Variants in LRRTM4 observed in about 807,000 individuals in gnomAD.
The protein encoded by LRRTM4 is leucine rich repeat transmembrane neuronal 4.
In LRRTM4, 25 loss-of-function variants were observed where a neutral mutation model predicts 47.6. The ratio of observed to expected loss-of-function variants is 0.53; its 90% CI spans 0.38 to 0.73. The LOEUF (loss-of-function observed/expected upper bound fraction) is 0.73. LRRTM4 is among the 30% of genes least tolerant of loss of function. The pLI is 0.00. For synonymous variants in LRRTM4, 311 were observed against 269.5 expected (o/e 1.15, Z -1.51); for missense variants, 638 against 713.4 (o/e 0.89, Z 1.20).
intron 3 of LRRTM4, among the ~76,000 whole-genome samples, chr2:77,102,266 G>A (rs1670974644): frequency 6.6e-6 from 1 of 152,156 alleles, no homozygotes; most frequent in Admixed American, 6.5e-5. Context: ...AGAAGTCTAA[G>A]CACCTCTTAC....
At chr2:76,868,477 G>T (rs940520197) in intron 3 of LRRTM4, among the ~76,000 whole-genome samples, 1 of 152,022 alleles carries the variant, frequency 6.6e-6, no homozygotes, top group African/African-American at 2.4e-5. Context: ...CACTGTTCGT[G>T]GTTAATTTTT....
chr2:76,748,658 C>G lies in LRRTM4; in HGVS notation c.*37G>C, dbSNP rs187916485. On this transcript the variant is annotated 3_prime_UTR_variant, in exon 4 of 4. Coordinates refer to ENST00000409884, the MANE Select transcript of LRRTM4 (RefSeq NM_001134745.3). ...CTTTAAGATGAAGGCCCTCCCTCCC[C>G]CCCATGGAGCTCCCCAGTGAGGAGT... The G allele has an allele frequency of 8.4e-6, 12 of 1,420,186 alleles. No homozygotes were observed. In the Admixed American group the frequency reaches 1.3e-4, roughly 16 times the overall value. The allele number at this position is 1,420,186 out of a possible 1,614,324, so 88.0% of individuals were successfully genotyped here. A position where few individuals can be genotyped will look rare whatever the true frequency, so the allele number is the denominator to read the frequency against.
At chr2:76,837,852 C>G (rs919529714) in intron 3 of LRRTM4, among the ~76,000 whole-genome samples, 1 of 151,542 alleles carries the variant, frequency 6.6e-6, no homozygotes, top group South Asian at 2.1e-4. Flanking sequence ...AACCAAACAC[C>G]GCACGTTCTC....
intron 3 of LRRTM4, among the ~76,000 whole-genome samples, chr2:76,944,038 A>T (rs1675242647): frequency 6.6e-6 from 1 of 152,170 alleles, no homozygotes; most frequent in Non-Finnish European, 1.5e-5. Context: ...TGAGCCATCC[A>T]AAAACATATG....
At chr2:76,908,176 A>T (rs62170303) in intron 3 of LRRTM4, among the ~76,000 whole-genome samples, 21,220 of 148,882 alleles carry the variant, frequency 0.14, 1,868 homozygotes, top group Admixed American at 0.22. Flanking sequence ...CTGGGATGCA[A>T]GGCTGGTTCA....
intron 3 of LRRTM4, among the ~76,000 whole-genome samples, chr2:76,891,163 C>T (rs1362677655): frequency 6.6e-6 from 1 of 151,864 alleles, no homozygotes; most frequent in Non-Finnish European, 1.5e-5. Context: ...CAAAAAGACA[C>T]ATCAAACCCT....
chr2:77,039,910 A>AAAT (rs1678967082), intron 3 of LRRTM4, among the ~76,000 whole-genome samples: 1 of 151,138 alleles, frequency 6.6e-6, no homozygotes, highest in African/African-American at 2.4e-5. Context: ...TCATTAGTTA[A>AAAT]TATTAATAAA....
intron 3 of LRRTM4, among the ~76,000 whole-genome samples, chr2:76,992,724 T>C: frequency 6.6e-6 from 1 of 151,420 alleles, no homozygotes; most frequent in Non-Finnish European, 1.5e-5. Context: ...GATTCAATGC[T>C]ATTCCTATCA....
intron 3 of LRRTM4, among the ~76,000 whole-genome samples, chr2:77,114,664 A>G (rs1270113586): frequency 6.6e-6 from 1 of 152,192 alleles, no homozygotes; most frequent in Admixed American, 6.5e-5. Context: ...AGTCTGAGAA[A>G]TAAAAAGAAA....
chr2:76,828,766 GCTT>G (rs1671255333), intron 3 of LRRTM4, among the ~76,000 whole-genome samples: 1 of 151,848 alleles, frequency 6.6e-6, no homozygotes, highest in Non-Finnish European at 1.5e-5. Context: ...CTGTCTCCCA[GCTT>G]CTTTTCACTC....
At chr2:77,499,745 T>C (rs966754541) in intron 3 of LRRTM4, among the ~76,000 whole-genome samples, 1 of 151,918 alleles carries the variant, frequency 6.6e-6, no homozygotes, top group African/African-American at 2.4e-5. Flanking sequence ...TAAGTTTCCA[T>C]AGTCCCTGCA....
intron 3 of LRRTM4, among the ~76,000 whole-genome samples, chr2:77,125,452 G>A (rs545121931): frequency 2.4e-4 from 37 of 152,094 alleles, no homozygotes; most frequent in South Asian, 6.2e-4. Context: ...GATAGACCAC[G>A]CATTGTTGTT....
chr2:76,830,030 G>A (rs1001124179), intron 3 of LRRTM4, among the ~76,000 whole-genome samples: 1 of 151,964 alleles, frequency 6.6e-6, no homozygotes, highest in Non-Finnish European at 1.5e-5. Flanking sequence ...CCAACAGGGT[G>A]TATTACAGAA....
chr2:77,413,618 C>A (rs377056577), intron 3 of LRRTM4, among the ~76,000 whole-genome samples: 3 of 152,136 alleles, frequency 2.0e-5, no homozygotes, highest in East Asian at 3.9e-4. Flanking sequence ...AGGGTGATTT[C>A]TCACAGCAAA....
At chr2:77,262,540 A>G (rs1434310905) in intron 3 of LRRTM4, among the ~76,000 whole-genome samples, 1 of 151,844 alleles carries the variant, frequency 6.6e-6, no homozygotes, top group Non-Finnish European at 1.5e-5. Context: ...CATCTAGAAT[A>G]ACATTTTTTT....
intron 3 of LRRTM4, among the ~76,000 whole-genome samples, chr2:77,014,348 AAAG>A (rs555508192): frequency 4.1e-4 from 62 of 152,196 alleles, no homozygotes; most frequent in Middle Eastern, 3.4e-3. Flanking sequence ...TTTATTATAA[AAAG>A]AATAGCTACT....
rs1307916192 is a variant in LRRTM4, at chr2:76,968,251, CT to C, written c.1552-219336del. Among the ~76,000 whole-genome samples, 11 of 144,512 alleles carry C rather than the reference CT, an allele frequency of 7.6e-5. 1 individual carries two copies. The highest frequency in any genetic ancestry group is 2.9e-4 in the African/African-American group (11 of 38,568). 94.8% of individuals were successfully genotyped at this position (144,512 alleles called of 152,430 possible). A position where few individuals can be genotyped will look rare whatever the true frequency, so the allele number is the denominator to read the frequency against. On this transcript the variant is annotated intron_variant, in intron 3 of 3. Transcript: ENST00000409884. ...GTAAATTAAAACAACATTGGAAATT[CT>C]TTTTAAAAAAAACAAATCTGGCAAT...
At chr2:77,489,509 C>T (rs35297679) in intron 3 of LRRTM4, among the ~76,000 whole-genome samples, 41,436 of 152,102 alleles carry the variant, frequency 0.27, 5,767 homozygotes, top group African/African-American at 0.29. Context: ...TTGATAATTA[C>T]GTTTCCTTTA....
intron 3 of LRRTM4, among the ~76,000 whole-genome samples, chr2:77,182,754 T>A (rs1673385592): frequency 6.6e-6 from 1 of 152,090 alleles, no homozygotes; most frequent in African/African-American, 2.4e-5. Flanking sequence ...TGCGCCAGTT[T>A]TCAAAGGGAA....
Sources: allele counts gnomAD v4.1 joint callset (sites outside exome capture counted in the v4.1 genomes callset), GRCh38; gene constraint gnomAD v4.1.1; transcripts MANE v1.5; gene names NCBI Gene and HGNC (gene_info 2026-07-23, HGNC 2026-07-21).